LDLRAD4: variants seen among roughly 807,000 people sequenced by gnomAD.
LDLRAD4 encodes low density lipoprotein receptor class A domain containing 4, also known as low-density lipoprotein receptor class A domain-containing protein 4.
In LDLRAD4, 5 loss-of-function variants were observed where a neutral mutation model predicts 17.0. The ratio of observed to expected loss-of-function variants is 0.29; its 90% CI spans 0.15 to 0.62. The LOEUF is 0.62. Ranked by LOEUF, LDLRAD4 falls within the 20% of genes least tolerant of loss-of-function variation. LDLRAD4 has a pLI of 0.84. For missense variants in LDLRAD4, 340 were observed against 424.7 expected (o/e 0.80, Z 1.75); for synonymous variants, 168 against 171.8 (o/e 0.98, Z 0.17).
intron 3 of LDLRAD4, among the ~76,000 whole-genome samples, chr18:13,480,195 C>T (rs2093048844): frequency 6.6e-6 from 1 of 152,220 alleles, no homozygotes; most frequent in African/African-American, 2.4e-5. Context: ...GATAACTAAA[C>T]TGTGGTACAT....
intron 1 of LDLRAD4, among the ~76,000 whole-genome samples, chr18:13,246,531 C>T (rs2042964116): frequency 6.6e-6 from 1 of 152,238 alleles, no homozygotes; most frequent in South Asian, 2.1e-4. Flanking sequence ...GATGGGTGTA[C>T]ACACACCGAG....
chr18:13,225,565 C>T (rs770786721), intron 1 of LDLRAD4, among the ~76,000 whole-genome samples: 5 of 152,226 alleles, frequency 3.3e-5, no homozygotes, highest in African/African-American at 9.6e-5. Context: ...TCAGTAGCCA[C>T]GCATTGTCAT....
At chr18:13,272,205 C>T (rs1399240990) in intron 1 of LDLRAD4, among the ~76,000 whole-genome samples, 1 of 152,124 alleles carries the variant, frequency 6.6e-6, no homozygotes, top group African/African-American at 2.4e-5. Context: ...TCAGTGCTGA[C>T]TTTGAGGGAT....
At chr18:13,437,456 G>T (rs1179608040) in intron 2 of LDLRAD4, among the ~76,000 whole-genome samples, 1 of 152,212 alleles carries the variant, frequency 6.6e-6, no homozygotes, top group Non-Finnish European at 1.5e-5. Flanking sequence ...TAAATGGATA[G>T]TAATGTGTTA....
At chr18:13,334,514 A>G (rs979007299) in intron 1 of LDLRAD4, among the ~76,000 whole-genome samples, 2 of 152,210 alleles carry the variant, frequency 1.3e-5, no homozygotes, top group African/African-American at 4.8e-5. Context: ...GATTACAGGC[A>G]TGAGCCACTG....
At chr18:13,476,414 C>T (rs1318585672) in intron 3 of LDLRAD4, among the ~76,000 whole-genome samples, 6 of 151,956 alleles carry the variant, frequency 3.9e-5, no homozygotes, top group African/African-American at 1.2e-4. Context: ...CGCTTGAGTC[C>T]AGGAGTTTGA....
intron 1 of LDLRAD4, among the ~76,000 whole-genome samples, chr18:13,348,268 G>T (rs946961583): frequency 4.6e-5 from 7 of 152,164 alleles, no homozygotes; most frequent in Non-Finnish European, 1.0e-4. Context: ...TGTCCTTTCT[G>T]TTTGTTAGTT....
chr18:13,378,168 G>A (rs1487617455), intron 1 of LDLRAD4, among the ~76,000 whole-genome samples: 1 of 152,096 alleles, frequency 6.6e-6, no homozygotes, highest in African/African-American at 2.4e-5. Flanking sequence ...CTGTTATATC[G>A]CTGATCAGTT....
At chr18:13,408,194 C>T (rs1057347872) in intron 2 of LDLRAD4, among the ~76,000 whole-genome samples, 3 of 151,814 alleles carry the variant, frequency 2.0e-5, no homozygotes, top group Non-Finnish European at 2.9e-5. Context: ...GGCAACATGG[C>T]GAAACCCCGT....
chr18:13,533,506 G>A (rs141436724), intron 3 of LDLRAD4, among the ~76,000 whole-genome samples: 58 of 152,190 alleles, frequency 3.8e-4, no homozygotes, highest in Admixed American at 1.7e-3. Flanking sequence ...TGCATTAACC[G>A]TAACATTTTT....
intron 3 of LDLRAD4, among the ~76,000 whole-genome samples, chr18:13,564,391 G>A (rs1428446681): frequency 8.4e-5 from 6 of 71,818 alleles, no homozygotes; most frequent in Non-Finnish European, 1.4e-4. Flanking sequence ...TTGCCAGCGC[G>A]TATACTGAAG....
chr18:13,291,334 GCTCATTCA>G (rs1287871406), intron 1 of LDLRAD4, among the ~76,000 whole-genome samples: 3 of 152,240 alleles, frequency 2.0e-5, no homozygotes, highest in Admixed American at 6.5e-5. Context: ...TAGTTTGGAA[GCTCATTCA>G]CTCATTCACT....
chr18:13,450,109 G>A (rs2091705750), intron 3 of LDLRAD4, among the ~76,000 whole-genome samples: 1 of 152,192 alleles, frequency 6.6e-6, no homozygotes, highest in African/African-American at 2.4e-5. Flanking sequence ...GGGTTGGCAT[G>A]AACCCAGAAT....
chr18:13,274,365 C>T (rs1276745407), upstream of LDLRAD4, among the ~76,000 whole-genome samples: 2 of 152,214 alleles, frequency 1.3e-5, no homozygotes, highest in Non-Finnish European at 2.9e-5. Context: ...CTCCAGTTCC[C>T]TGCTGGCCCC....
intron 4 of LDLRAD4, among the ~76,000 whole-genome samples, chr18:13,641,048 C>T (rs189152109): frequency 1.3e-4 from 20 of 152,256 alleles, no homozygotes; most frequent in Admixed American, 3.3e-4. Flanking sequence ...ACATGTATTA[C>T]GTGTGTAGTT....
chr18:13,407,234 T>TGAATGTG (rs2087852630), intron 2 of LDLRAD4, among the ~76,000 whole-genome samples: 1 of 152,208 alleles, frequency 6.6e-6, no homozygotes, highest in Non-Finnish European at 1.5e-5. Flanking sequence ...TCATAGAGGC[T>TGAATGTG]GCTCTGAATG....
At position 13,590,035 on chromosome 18, in the gene LDLRAD4, ATG is replaced by A. The variant is rs201612614; in HGVS notation, c.182-31075_182-31074del. ...TGGCTGTGCATGTGTATGGGTGTGC[ATG>A]TGTGTGAGTGTGCATGTGTGTGACT... On this transcript the variant is annotated intron_variant, in intron 3 of 5. Coordinates refer to ENST00000359446, the Ensembl canonical transcript of LDLRAD4. 6.4e-3 allele frequency among the ~76,000 whole-genome samples: 897 copies of A among 141,222 alleles called. 5 individuals carry two copies. Among genetic ancestry groups the A allele is most frequent in the African/African-American group, 0.022 (837 of 37,436 alleles). 92.6% of individuals were successfully genotyped at this position (141,222 alleles called of 152,430 possible).
intron 3 of LDLRAD4, among the ~76,000 whole-genome samples, chr18:13,507,643 G>A (rs1344824443): frequency 6.6e-6 from 1 of 152,160 alleles, no homozygotes; most frequent in African/African-American, 2.4e-5. Flanking sequence ...ATGTGATACA[G>A]TGATCTTTGA....
At chr18:13,362,054 C>T (rs763417023) in intron 1 of LDLRAD4, 17 of 151,956 alleles carry the variant, frequency 1.1e-4, no homozygotes, top group Non-Finnish European at 2.2e-4. Flanking sequence ...GTGATTGTCA[C>T]CCATCGAGGT....
Sources: allele counts gnomAD v4.1 joint callset (sites outside exome capture counted in the v4.1 genomes callset), GRCh38; gene constraint gnomAD v4.1.1; transcripts MANE v1.5; gene names NCBI Gene and HGNC (gene_info 2026-07-23, HGNC 2026-07-21).